BUB3: variants seen among roughly 807,000 people sequenced by gnomAD.
BUB3 encodes BUB3 mitotic checkpoint protein, also known as mitotic checkpoint protein BUB3.
Under a neutral mutation model 39.9 loss-of-function variants are expected in BUB3, and 22 were observed. The observed-to-expected ratio is 0.55, with a 90% CI of 0.39 to 0.79. The LOEUF (loss-of-function observed/expected upper bound fraction) is 0.79. BUB3 is among the 30% of genes least tolerant of loss of function. The pLI, the probability that BUB3 is intolerant of heterozygous loss-of-function variation, is 0.00. For synonymous variants in BUB3, 168 were observed against 155.1 expected, an observed-to-expected ratio of 1.08 and a Z score of -0.62; for missense variants, 303 against 415.4, an observed-to-expected ratio of 0.73 and a Z score of 2.35.
intron 4 of BUB3, among the ~76,000 whole-genome samples, chr10:123,159,503 T>C (rs1337810464): frequency 6.6e-6 from 1 of 152,212 alleles, no homozygotes; most frequent in Non-Finnish European, 1.5e-5. Context: ...TGACTGAACA[T>C]GATCAGGAGA....
rs202005180 is a variant in BUB3, at chr10:123,160,379, T to A, written c.418-28T>A. On this transcript the variant is annotated intron_variant, in intron 4 of 7. Transcript: ENST00000368865. ...GCCATTTTCAGGCAAGAAGGTGATTTTTAGCAAGTTTTGATCTTTTTTAAA... is the reference window on the plus strand; with the variant it reads ...GCCATTTTCAGGCAAGAAGGTGATTATTAGCAAGTTTTGATCTTTTTTAAA... 2.0e-6 allele frequency: 3 copies of A among 1,483,190 alleles called. No homozygotes were observed. The Admixed American group carries it at 7.3e-5, about 36-fold the overall frequency. The allele number at this position is 1,483,190 out of a possible 1,614,324, so 91.9% of individuals were successfully genotyped here. A position where few individuals can be genotyped will look rare whatever the true frequency, so the allele number is the denominator to read the frequency against.
chr10:123,164,681 A>G lies in BUB3; in HGVS notation c.*846A>G. ...TTAATGAGGTTTACATATTTCTCTG[A>G]CATTTATATAGTTCTTATGTCCATT... On this transcript the variant is annotated 3_prime_UTR_variant, in exon 8 of 8. Coordinates refer to ENST00000368865, the MANE Select transcript of BUB3 (RefSeq NM_004725.4). 9.8e-7 allele frequency: 1 copy of G among 1,015,470 alleles called. No individual in the cohort carries two copies. The highest frequency in any genetic ancestry group is 1.2e-6 in the Non-Finnish European group (1 of 849,614). The allele number at this position is 1,015,470 out of a possible 1,614,324, so 62.9% of individuals were successfully genotyped here.
chr10:123,164,727 G>A lies in BUB3; in HGVS notation c.*892G>A, dbSNP rs1233442498. On this transcript the variant is annotated 3_prime_UTR_variant, in exon 8 of 8. Transcript: ENST00000368865. ...CCATTTCAGTTGACCAGCCGCTGGT[G>A]ATTAAAGTTAAAAAGAAAAAAATTA... 5 of 1,077,498 alleles carry A rather than the reference G, an allele frequency of 4.6e-6. No homozygotes were observed. Among genetic ancestry groups the A allele is most frequent in the Non-Finnish European group, 5.6e-6 (5 of 889,140 alleles). 66.7% of individuals were successfully genotyped at this position (1,077,498 alleles called of 1,614,324 possible). A position where few individuals can be genotyped will look rare whatever the true frequency, so the allele number is the denominator to read the frequency against.
rs1366277666 is a variant in BUB3, at chr10:123,164,907, T to C, written c.*1072T>C. The C allele has an allele frequency of 4.9e-6, 7 of 1,439,876 alleles. No homozygotes were observed. The highest frequency in any genetic ancestry group is 6.4e-6 in the Non-Finnish European group (7 of 1,099,310). The allele number at this position is 1,439,876 out of a possible 1,614,324, so 89.2% of individuals were successfully genotyped here. On this transcript the variant is annotated 3_prime_UTR_variant, in exon 8 of 8. Transcript: ENST00000368865. ...ATGTCTCTGAGTAGGACTTGGACCT[T>C]TCCTGAGATTTATTTTATCCGTGAT...
chr10:123,158,857 A>G (rs1844384206), intron 4 of BUB3, among the ~76,000 whole-genome samples: 1 of 152,116 alleles, frequency 6.6e-6, no homozygotes, highest in African/African-American at 2.4e-5. Context: ...CACTTTTTTT[A>G]ATACTTTCTT....
chr10:123,162,521 T>C, intron 6 of BUB3, 91 bp from the exon 7 acceptor site: 2 of 1,551,706 alleles, frequency 1.3e-6, no homozygotes, highest in Admixed American at 4.0e-5. Flanking sequence ...GAAATGTAAC[T>C]TCTATGACCT....
Position 123,167,453 on chromosome 10 carries a change from G to T in BUB3, c.*3618G>T, listed in dbSNP as rs1844506054. On this transcript the variant is annotated 3_prime_UTR_variant, in exon 8 of 8. Transcript: ENST00000368865. Reference sequence around the variant, plus strand: ...TTAGCAGTAGTTCCTCATATTGCCTGGCATTTAAACATTTTTGTATGCGTA... The same window carrying T: ...TTAGCAGTAGTTCCTCATATTGCCTTGCATTTAAACATTTTTGTATGCGTA... 1 of 152,046 alleles carries T rather than the reference G, an allele frequency of 6.6e-6. No homozygotes were observed. Among genetic ancestry groups the T allele is most frequent in the African/African-American group, 2.4e-5 (1 of 41,380 alleles). 9.4% of individuals were successfully genotyped at this position (152,046 alleles called of 1,614,324 possible). A position where few individuals can be genotyped will look rare whatever the true frequency, so the allele number is the denominator to read the frequency against.
rs1844328908 is a variant in BUB3 at position 123,154,964 on chromosome 10, G to A, written c.47G>A (p.Gly16Asp). ...EFKLNQPPEDGISSVKFSPNT... is the reference protein window; with the variant it reads ...EFKLNQPPEDDISSVKFSPNT... ...AAGCTGAACCAGCCACCCGAGGATGGCATCTCCTCCGTGAAGTTCAGCCCC... is the reference window on the plus strand; with the variant it reads ...AAGCTGAACCAGCCACCCGAGGATGACATCTCCTCCGTGAAGTTCAGCCCC... The change falls in exon 2 of 8, where the codon GGC becomes GAC. Residue 16 changes from glycine to aspartate, a missense_variant. This residue lies in a region of BUB3 where 121 missense variants were observed against 122.3 expected (regional missense o/e 0.99). Transcript: ENST00000368865. The A allele has an allele frequency of 6.2e-7, 1 of 1,614,134 alleles. No homozygotes were observed. Among genetic ancestry groups the A allele is most frequent in the Non-Finnish European group, 8.5e-7 (1 of 1,180,010 alleles).
chr10:123,158,006 C>T, intron 4 of BUB3, 126 bp downstream of exon 4: 1 of 1,077,540 alleles, frequency 9.3e-7, no homozygotes, highest in South Asian at 2.5e-5. Flanking sequence ...AAAAGGTTGA[C>T]AGTTGGTTTT....
At position 123,155,012 on chromosome 10, in the gene BUB3, TCTC is replaced by T. The variant is rs1844330950; in HGVS notation, c.101_103del (p.Ser34del). On this transcript the variant is annotated inframe_deletion, in exon 2 of 8. Transcript: ENST00000368865. The stretch of plus-strand genomic sequence containing the variant: ...CCCAACACCTCCCAGTTCCTGCTTG[TCTC>T]CTCCTGGGACACGTCCGTGCGTCTC... 3.7e-6 allele frequency: 6 copies of T among 1,614,132 alleles called. No individual in the cohort carries two copies. The highest frequency in any genetic ancestry group is 1.3e-5 in the African/African-American group (1 of 75,046).
chr10:123,166,637 C>T lies in BUB3; in HGVS notation c.*2802C>T, dbSNP rs1844495613. 2 of 152,172 alleles carry T rather than the reference C, an allele frequency of 1.3e-5. No individual in the cohort carries two copies. Among genetic ancestry groups the T allele is most frequent in the South Asian group, 4.1e-4 (2 of 4,834 alleles). The allele number at this position is 152,172 out of a possible 1,614,324, so 9.4% of individuals were successfully genotyped here. ...TGGAATCCTCCACTGCTTCCTGTTG[C>T]TCATAGTCACCCTTCAGTGATTTCA... On this transcript the variant is annotated 3_prime_UTR_variant, in exon 8 of 8. Transcript: ENST00000368865.
chr10:123,168,917 A>G lies in BUB3; in HGVS notation c.*5082A>G, dbSNP rs117648364. The G allele has an allele frequency of 0.012, 1,835 of 152,276 alleles. 19 individuals carry two copies. The highest frequency in any genetic ancestry group is 0.019 in the Non-Finnish European group (1,311 of 68,080). 9.4% of individuals were successfully genotyped at this position (152,276 alleles called of 1,614,324 possible). On this transcript the variant is annotated 3_prime_UTR_variant, in exon 8 of 8. Coordinates refer to ENST00000368865, the MANE Select transcript of BUB3 (RefSeq NM_004725.4). ...TGTATTTTATGTGTAGCTCAAGACA[A>G]TTCTTCCAGTGTGGACCAGGAAAGC... is the stretch of plus-strand genomic sequence containing the variant.
At chr10:123,155,352 G>A (rs1844336362) in intron 2 of BUB3, among the ~76,000 whole-genome samples, 1 of 152,150 alleles carries the variant, frequency 6.6e-6, no homozygotes, top group Non-Finnish European at 1.5e-5. Context: ...TAAACTTTCT[G>A]AAAATACGAT....
chr10:123,169,161 C>A lies in BUB3; in HGVS notation c.*5326C>A, dbSNP rs999212487. The A allele has an allele frequency of 6.6e-6, 1 of 152,212 alleles. No homozygotes were observed. Among genetic ancestry groups the A allele is most frequent in the Non-Finnish European group, 1.5e-5 (1 of 68,040 alleles). 9.4% of individuals were successfully genotyped at this position (152,212 alleles called of 1,614,324 possible). Reference sequence around the variant, plus strand: ...ACGGGCTTTCCCCCTATCGGCTGTTCCAGAGCGAGAGGCTGCAGGTGTCCA... The same window carrying A: ...ACGGGCTTTCCCCCTATCGGCTGTTACAGAGCGAGAGGCTGCAGGTGTCCA... On this transcript the variant is annotated 3_prime_UTR_variant, in exon 8 of 8. Coordinates refer to ENST00000368865, the MANE Select transcript of BUB3 (RefSeq NM_004725.4).
At position 123,165,388 on chromosome 10, in the gene BUB3, G is replaced by T. The variant is rs1484903292; in HGVS notation, c.*1553G>T. On this transcript the variant is annotated 3_prime_UTR_variant, in exon 8 of 8. Transcript: ENST00000368865. ...GAATGTTGGATGTTTTTGAATGTTG[G>T]TAATTAATATAATTTACTTAAAAAG... The T allele has an allele frequency of 1.3e-5, 3 of 232,080 alleles. No homozygotes were observed. Among genetic ancestry groups the T allele is most frequent in the Non-Finnish European group, 2.5e-5 (3 of 120,204 alleles). 14.4% of individuals were successfully genotyped at this position (232,080 alleles called of 1,614,324 possible). A position where few individuals can be genotyped will look rare whatever the true frequency, so the allele number is the denominator to read the frequency against.
intron 3 of BUB3, among the ~76,000 whole-genome samples, chr10:123,157,467 A>G (rs1844364635): frequency 6.6e-6 from 1 of 152,254 alleles, no homozygotes; most frequent in African/African-American, 2.4e-5. Context: ...ATGTTAATGT[A>G]ATCTGAAATT....
In BUB3 at chr10:123,155,536, A is replaced by T; in HGVS notation, c.196-122A>T. 4 of 902,646 alleles carry T rather than the reference A, an allele frequency of 4.4e-6. No homozygotes were observed. In the Admixed American group the frequency reaches 6.8e-5, roughly 15 times the overall value. 55.9% of individuals were successfully genotyped at this position (902,646 alleles called of 1,614,324 possible). A position where few individuals can be genotyped will look rare whatever the true frequency, so the allele number is the denominator to read the frequency against. On this transcript the variant is annotated intron_variant, in intron 2 of 7. Coordinates refer to ENST00000368865, the MANE Select transcript of BUB3 (RefSeq NM_004725.4). The stretch of plus-strand genomic sequence containing the variant: ...TTTTATGCTGTTTTTTGGTTTGTTT[A>T]CCATGAATAGTTGAGCCCAGTGCAT...
chr10:123,154,743 G>A (rs1263678325), intron 1 of BUB3, 175 bp from the exon 2 acceptor site: 14 of 672,880 alleles, frequency 2.1e-5, no homozygotes, highest in Non-Finnish European at 1.2e-5. Context: ...GCGGGGGCCG[G>A]ATGATGGGGC....
Position 123,164,274 on chromosome 10 carries a change from T to C in BUB3, c.*439T>C. 2.0e-6 allele frequency: 2 copies of C among 987,328 alleles called. No individual in the cohort carries two copies. The highest frequency in any genetic ancestry group is 2.4e-6 in the Non-Finnish European group (2 of 831,364). 61.2% of individuals were successfully genotyped at this position (987,328 alleles called of 1,614,324 possible). On this transcript the variant is annotated 3_prime_UTR_variant, in exon 8 of 8. Coordinates refer to ENST00000368865, the MANE Select transcript of BUB3 (RefSeq NM_004725.4). ...AATTCTAAAGCTGCTTCAGACTGCT[T>C]CATGAGGAGGTTAATCTACAATTAA...
Sources: gnomAD v4.1 joint callset for allele counts (sites outside exome capture counted in the v4.1 genomes callset) on GRCh38, gnomAD v4.1.1 for gene constraint, gnomAD v4.1.1 regional missense constraint, MANE v1.5 for transcripts, NCBI Gene and HGNC (gene_info 2026-07-23, HGNC 2026-07-21) for gene names.